The following ATXN3 variants were observed in gnomAD, a reference collection of about 807,000 sequenced individuals.
ATXN3 encodes the protein ataxin-3.
Under a neutral mutation model 58.2 loss-of-function variants are expected in ATXN3, and 28 were observed. The observed-to-expected ratio is 0.48, with a 90% CI of 0.36 to 0.66. ATXN3 has a LOEUF of 0.66. Ranked by LOEUF, ATXN3 falls within the 30% of genes least tolerant of loss-of-function variation. The pLI is 0.00. For synonymous variants in ATXN3, 113 were observed against 138.5 expected (o/e 0.82, Z 1.29); for missense variants, 321 against 422.1 (o/e 0.76, Z 2.10).
At chr14:92,051,970 C>T (rs1265570630), upstream of ATXN3, among the ~76,000 whole-genome samples, 1 of 151,358 alleles carries the variant, frequency 6.6e-6, no homozygotes, top group Non-Finnish European at 1.5e-5. Context: ...CATGATGCAC[C>T]CGCCTTGGCC....
rs768169130 is a variant in ATXN3 at position 92,106,559 on chromosome 14, T to C, written c.-7A>G. On this transcript the variant is annotated 5_prime_UTR_variant, in exon 1 of 11. Coordinates refer to ENST00000644486, the MANE Select transcript of ATXN3 (RefSeq NM_004993.6). ...CGTGGAAGATGGACTCCATGTTTAT[T>C]TGTCTGGAGCCAACGGCCCCCACGC... is the stretch of plus-strand genomic sequence containing the variant. The C allele has an allele frequency of 6.2e-7, 1 of 1,612,876 alleles. No individual in the cohort carries two copies. The highest frequency in any genetic ancestry group is 8.5e-7 in the Non-Finnish European group (1 of 1,179,424).
chr14:92,078,773 A>C (rs1016598663), intron 9 of ATXN3, among the ~76,000 whole-genome samples: 15 of 152,240 alleles, frequency 9.9e-5, no homozygotes, highest in African/African-American at 3.4e-4. Flanking sequence ...AATAAAGCTA[A>C]TATATTTTAG....
downstream of ATXN3, among the ~76,000 whole-genome samples, chr14:92,054,230 G>A (rs191496162): frequency 1.4e-3 from 209 of 152,266 alleles, no homozygotes; most frequent in African/African-American, 4.7e-3. Context: ...CACCGTGCCC[G>A]GCTGCAACTC....
intron 1 of ATXN3, among the ~76,000 whole-genome samples, chr14:92,098,405 C>T (rs150823108): frequency 2.0e-5 from 3 of 152,016 alleles, no homozygotes; most frequent in East Asian, 3.9e-4. Flanking sequence ...CTGACCAATA[C>T]GGTGAAACCT....
chr14:92,068,417 G>A (rs757599190), intron 10 of ATXN3, among the ~76,000 whole-genome samples: 1 of 152,280 alleles, frequency 6.6e-6, no homozygotes, highest in Non-Finnish European at 1.5e-5. Context: ...TGGCTAGAGA[G>A]AGCAGGCTTT....
chr14:92,080,931 A>G (rs1251844684), intron 9 of ATXN3, 34 bp downstream of exon 9: 9 of 1,473,502 alleles, frequency 6.1e-6, no homozygotes, highest in Non-Finnish European at 8.5e-6. Context: ...GCAAATATTA[A>G]ACATGCTACT....
At chr14:92,048,437 TA>T (rs1483051324) in intron 1 of ATXN3, among the ~76,000 whole-genome samples, 3 of 152,180 alleles carry the variant, frequency 2.0e-5, no homozygotes, top group African/African-American at 7.2e-5. Flanking sequence ...GGTTGGGTAA[TA>T]AAATGCATGT....
intron 5 of ATXN3, among the ~76,000 whole-genome samples, chr14:92,092,183 G>A (rs1162842303): frequency 1.3e-5 from 2 of 152,092 alleles, no homozygotes; most frequent in African/African-American, 4.8e-5. Flanking sequence ...AGATGAATCT[G>A]CACTTTTCTA....
In ATXN3 at chr14:92,081,071, AAACAC is replaced by A. The variant is rs767439371; in HGVS notation, c.776-15_776-11del. 2.8e-5 allele frequency: 43 copies of A among 1,546,618 alleles called. No individual in the cohort carries two copies. Among genetic ancestry groups the A allele is most frequent in the Non-Finnish European group, 3.7e-5 (42 of 1,120,142 alleles). ...ATGTTTCTGGAACTACCTGAAAACA[AAACAC>A]AACACAACAAAAACCAATCACTGTA... On this transcript the variant is annotated splice_polypyrimidine_tract_variant and intron_variant, in intron 8 of 10. Transcript: ENST00000644486.
At chr14:92,045,556 T>G (rs1005719134) in intron 2 of ATXN3, among the ~76,000 whole-genome samples, 1 of 150,222 alleles carries the variant, frequency 6.7e-6, no homozygotes, top group African/African-American at 2.4e-5. Flanking sequence ...CTGAACTTGA[T>G]GTATAGGGTA....
At chr14:92,072,890 A>T (rs1359573183) in intron 9 of ATXN3, among the ~76,000 whole-genome samples, 1 of 152,254 alleles carries the variant, frequency 6.6e-6, no homozygotes, top group African/African-American at 2.4e-5. Context: ...CAATAAAGAA[A>T]GTTCAACTAA....
intron 5 of ATXN3, among the ~76,000 whole-genome samples, chr14:92,091,463 G>A (rs1449706656): frequency 1.9e-4 from 24 of 127,256 alleles, no homozygotes; most frequent in Non-Finnish European, 2.4e-4. Flanking sequence ...AAGAAGGAAA[G>A]AAAGAAAGAA....
rs1461639649 is a variant in ATXN3 at position 92,064,065 on chromosome 14, CAAAAA to C, written c.*250_*254del. 3 of 246,322 alleles carry C rather than the reference CAAAAA, an allele frequency of 1.2e-5. No homozygotes were observed. Among genetic ancestry groups the C allele is most frequent in the Non-Finnish European group, 2.3e-5 (3 of 128,230 alleles). 15.3% of individuals were successfully genotyped at this position (246,322 alleles called of 1,614,324 possible). ...TTAGACATGTTACATATTGCACACT[CAAAAA>C]AGAAAAAGAAACATTTAGAAAACTA... On this transcript the variant is annotated 3_prime_UTR_variant, in exon 11 of 11. Transcript: ENST00000644486.
chr14:92,049,956 A>C (rs2057442437), upstream of ATXN3: 1 of 152,234 alleles, frequency 6.6e-6, no homozygotes. Flanking sequence ...GAAAATTAGA[A>C]GGCAGGCAAG....
intron 9 of ATXN3, among the ~76,000 whole-genome samples, chr14:92,077,978 CTTTTTTT>C (rs112851203): frequency 2.1e-5 from 3 of 140,278 alleles, no homozygotes; most frequent in Non-Finnish European, 4.6e-5. Context: ...TTTCTTTTCT[CTTTTTTT>C]TTTTTTTGAG....
At chr14:92,083,557 A>G (rs1438091138) in intron 6 of ATXN3, 1 of 479,676 alleles carries the variant, frequency 2.1e-6, no homozygotes, top group Non-Finnish European at 4.0e-6. Context: ...TACTTGACTG[A>G]GCAGGCTACT....
rs763008544 is a variant in ATXN3, at chr14:92,096,102, G to GA, written c.224dup (p.Ser76LeufsTer34). 7.2e-7 allele frequency: 1 copy of GA among 1,380,900 alleles called. No individual in the cohort carries two copies. The highest frequency in any genetic ancestry group is 1.1e-5 in the South Asian group (1 of 87,980). 85.5% of individuals were successfully genotyped at this position (1,380,900 alleles called of 1,614,324 possible). A position where few individuals can be genotyped will look rare whatever the true frequency, so the allele number is the denominator to read the frequency against. ...GCTTGTGACTACTTACCTGAATAGAGAAAAAACCACTGTCATCCATATTTC... is the reference window on the plus strand; with the variant it reads ...GCTTGTGACTACTTACCTGAATAGAGAAAAAAACCACTGTCATCCATATTTC... On this transcript the variant is annotated frameshift_variant, in exon 3 of 11. Coordinates refer to ENST00000644486, the MANE Select transcript of ATXN3 (RefSeq NM_004993.6). LOFTEE classifies it high-confidence loss of function.
intron 1 of ATXN3, among the ~76,000 whole-genome samples, chr14:92,099,750 C>A (rs769723876): frequency 2.0e-5 from 3 of 152,036 alleles, no homozygotes; most frequent in Non-Finnish European, 4.4e-5. Context: ...TGCTTGTAGT[C>A]CAGCTTCTTG....
chr14:92,082,645 GTTTC>G (rs910498263), intron 7 of ATXN3, among the ~76,000 whole-genome samples, 179 bp from the exon 8 acceptor site: 6 of 138,880 alleles, frequency 4.3e-5, no homozygotes, highest in Non-Finnish European at 6.1e-5. Context: ...TTTTTTTTCC[GTTTC>G]TTTTTTTTTT....
Sources: allele counts gnomAD v4.1 joint callset (sites outside exome capture counted in the v4.1 genomes callset), GRCh38; gene constraint gnomAD v4.1.1; transcripts MANE v1.5; gene names NCBI Gene and HGNC (gene_info 2026-07-23, HGNC 2026-07-21).